ERC1: variants seen among roughly 807,000 people sequenced by gnomAD.
ERC1 encodes the protein ELKS/RAB6-interacting/CAST family member 1.
In ERC1, 56 loss-of-function variants were observed where a neutral mutation model predicts 132.0. That is an observed-to-expected ratio of 0.42 (90% CI 0.34 to 0.53). ERC1 has a LOEUF of 0.53. Among genes scored for constraint, ERC1 ranks in the 20% least tolerant of loss-of-function variants. The pLI is 0.03. For missense variants in ERC1, 1,202 were observed against 1,349.9 expected (o/e 0.89, Z 1.72); for synonymous variants, 478 against 476.1 (o/e 1.00, Z -0.05).
intron 15 of ERC1, among the ~76,000 whole-genome samples, chr12:1,341,806 A>G (rs1486386169): frequency 6.6e-6 from 1 of 152,232 alleles, no homozygotes; most frequent in African/African-American, 2.4e-5. Context: ...AACTTAAAGT[A>G]TAATTTTTAA....
intron 17 of ERC1, among the ~76,000 whole-genome samples, chr12:1,416,440 A>G (rs562112262): frequency 9.2e-5 from 14 of 152,320 alleles, no homozygotes; most frequent in African/African-American, 3.4e-4. Flanking sequence ...AAACCAGCCC[A>G]AGTGAAACAG....
intron 12 of ERC1, among the ~76,000 whole-genome samples, chr12:1,204,936 C>T (rs748250329): frequency 6.6e-6 from 1 of 152,104 alleles, no homozygotes; most frequent in East Asian, 1.9e-4. Flanking sequence ...TTTACTGAGA[C>T]GAACTTTCAG....
intron 14 of ERC1, among the ~76,000 whole-genome samples, chr12:1,273,385 A>G (rs192644381): frequency 3.5e-3 from 529 of 152,312 alleles, no homozygotes; most frequent in Non-Finnish European, 4.8e-3. Flanking sequence ...AATACTATTC[A>G]ATATTAGAAG....
At chr12:1,426,664 G>A (rs969121922) in intron 17 of ERC1, among the ~76,000 whole-genome samples, 6 of 152,068 alleles carry the variant, frequency 3.9e-5, no homozygotes, top group African/African-American at 1.4e-4. Flanking sequence ...ACAGTAGTTC[G>A]TCTAGTGTGG....
intron 15 of ERC1, among the ~76,000 whole-genome samples, chr12:1,310,562 G>A (rs1336801875): frequency 6.6e-6 from 1 of 152,170 alleles, no homozygotes; most frequent in East Asian, 1.9e-4. Flanking sequence ...GAATCTCAAT[G>A]AATAATCAGA....
intron 3 of ERC1, among the ~76,000 whole-genome samples, chr12:1,104,508 G>A (rs1354536820): frequency 6.6e-6 from 1 of 152,182 alleles, no homozygotes; most frequent in African/African-American, 2.4e-5. Flanking sequence ...GCTCGTGTCT[G>A]TGTGACTGAT....
At chr12:1,186,144 C>T (rs1955066899) in intron 11 of ERC1, among the ~76,000 whole-genome samples, 2 of 152,164 alleles carry the variant, frequency 1.3e-5, no homozygotes, top group Admixed American at 1.3e-4. Flanking sequence ...TACTTTGAAT[C>T]AGAGCTTTCC....
intron 17 of ERC1, among the ~76,000 whole-genome samples, chr12:1,439,443 T>A (rs1565440524): frequency 6.6e-6 from 1 of 152,222 alleles, no homozygotes; most frequent in Non-Finnish European, 1.5e-5. Flanking sequence ...GAGAATCTAA[T>A]ACATAAACAA....
At chr12:1,164,162 AAAGTGGCTTGG>A (rs1952135369) in intron 8 of ERC1, among the ~76,000 whole-genome samples, 1 of 152,174 alleles carries the variant, frequency 6.6e-6, no homozygotes, top group African/African-American at 2.4e-5. Flanking sequence ...GTTATTCTTG[AAAGTGGCTTGG>A]AAGTGGCAGG....
At chr12:1,022,330 C>G (rs1592748040) in intron 1 of ERC1, among the ~76,000 whole-genome samples, 1 of 152,202 alleles carries the variant, frequency 6.6e-6, no homozygotes, top group African/African-American at 2.4e-5. Context: ...TACTTCAGAA[C>G]TTACTGGATT....
chr12:1,117,491 G>A (rs1366114284), intron 7 of ERC1, among the ~76,000 whole-genome samples: 1 of 152,166 alleles, frequency 6.6e-6, no homozygotes, highest in Non-Finnish European at 1.5e-5. Flanking sequence ...ATAAAATCAT[G>A]AGATGCAGTA....
chr12:1,217,676 T>G (rs1296511484), intron 12 of ERC1, among the ~76,000 whole-genome samples: 1 of 152,210 alleles, frequency 6.6e-6, no homozygotes, highest in Admixed American at 6.5e-5. Context: ...CTCCAATTAT[T>G]GCATCTAATT....
At chr12:1,489,160 A>G (rs895937061) in intron 18 of ERC1, among the ~76,000 whole-genome samples, 3 of 152,068 alleles carry the variant, frequency 2.0e-5, no homozygotes, top group Non-Finnish European at 4.4e-5. Flanking sequence ...CATTCCTGCC[A>G]TCCTGAGGCT....
At chr12:1,485,261 G>A (rs1320665397) in intron 18 of ERC1, among the ~76,000 whole-genome samples, 4 of 140,324 alleles carry the variant, frequency 2.9e-5, no homozygotes, top group South Asian at 2.3e-4. Flanking sequence ...CTGGAGTGCA[G>A]TGGCGTGATC....
intron 12 of ERC1, among the ~76,000 whole-genome samples, chr12:1,202,527 T>C (rs886868225): frequency 6.6e-6 from 1 of 151,814 alleles, no homozygotes; most frequent in Non-Finnish European, 1.5e-5. Context: ...TGTGGTGGTG[T>C]TTGTCTATAG....
At chr12:1,261,798 C>T (rs993717406) in intron 13 of ERC1, among the ~76,000 whole-genome samples, 2 of 152,100 alleles carry the variant, frequency 1.3e-5, no homozygotes, top group East Asian at 3.8e-4. Flanking sequence ...AGAATGAAAA[C>T]TTGTAACATG....
chr12:1,402,401 G>C (rs1264206086), intron 16 of ERC1, among the ~76,000 whole-genome samples: 1 of 152,030 alleles, frequency 6.6e-6, no homozygotes, highest in African/African-American at 2.4e-5. Context: ...ATGGTGGCGG[G>C]CATCTGTAAT....
chr12:1,486,808 C>G (rs1233596647), intron 18 of ERC1, among the ~76,000 whole-genome samples: 1 of 152,220 alleles, frequency 6.6e-6, no homozygotes, highest in African/African-American at 2.4e-5. Context: ...TTATATCCTT[C>G]AGTAACTTCA....
intron 13 of ERC1, among the ~76,000 whole-genome samples, chr12:1,250,423 A>AT: frequency 6.6e-6 from 1 of 152,254 alleles, no homozygotes; most frequent in South Asian, 2.1e-4. Flanking sequence ...AACCCATTTA[A>AT]TTTTCCCTTC....
Sources: allele counts gnomAD v4.1 joint callset (sites outside exome capture counted in the v4.1 genomes callset), GRCh38; gene constraint gnomAD v4.1.1; transcripts MANE v1.5; gene names NCBI Gene and HGNC (gene_info 2026-07-23, HGNC 2026-07-21).